The following DISC1 variants were observed in gnomAD, a reference collection of about 807,000 sequenced individuals.
DISC1 encodes DISC1 scaffold protein.
DISC1 carries 57 observed loss-of-function variants against 84.5 expected under a neutral mutation model. The observed-to-expected ratio is 0.67, with a 90% confidence interval of 0.55 to 0.84. DISC1 has a LOEUF of 0.84. DISC1 is among the 40% of genes least tolerant of loss of function. The pLI, the probability that DISC1 is intolerant of heterozygous loss-of-function variation, is 0.00. For synonymous variants in DISC1, 411 were observed against 415.2 expected (o/e 0.99, Z 0.12); for missense variants, 1,000 against 1,057.8 (o/e 0.95, Z 0.76).
intron 9 of DISC1, among the ~76,000 whole-genome samples, chr1:231,934,262 G>A (rs1034021672): frequency 6.6e-6 from 1 of 152,124 alleles, no homozygotes; most frequent in Non-Finnish European, 1.5e-5. Context: ...TTGACCCAGC[G>A]TCCACTTCTA....
At chr1:231,810,608 G>A (rs185663762) in intron 8 of DISC1, among the ~76,000 whole-genome samples, 20 of 152,266 alleles carry the variant, frequency 1.3e-4, no homozygotes, top group Admixed American at 9.2e-4. Context: ...GTGGGCAGAC[G>A]AGTGGGAGAG....
At chr1:231,643,080 G>A (rs1185644194) in intron 1 of DISC1, among the ~76,000 whole-genome samples, 1 of 152,200 alleles carries the variant, frequency 6.6e-6, no homozygotes, top group Non-Finnish European at 1.5e-5. Context: ...GAGAGCTTCT[G>A]TAAAGTTGGG....
At chr1:232,017,140 A>C (rs1668555549) in intron 11 of DISC1, among the ~76,000 whole-genome samples, 1 of 152,232 alleles carries the variant, frequency 6.6e-6, no homozygotes, top group African/African-American at 2.4e-5. Flanking sequence ...GCATTCCTGA[A>C]ATGTATTTAC....
chr1:231,770,738 C>T, intron 5 of DISC1, 97 bp from the exon 6 acceptor site: 5 of 1,547,050 alleles, frequency 3.2e-6, no homozygotes, highest in East Asian at 2.4e-5. Context: ...AGTTCTGGTG[C>T]ATATGGCCAA....
chr1:231,806,788 G>A (rs1298695949), intron 8 of DISC1, among the ~76,000 whole-genome samples: 2 of 152,250 alleles, frequency 1.3e-5, no homozygotes, highest in African/African-American at 2.4e-5. Context: ...GAACGCTCCC[G>A]CCCTCTGCCC....
At chr1:231,823,601 T>A (rs987107302) in intron 9 of DISC1, among the ~76,000 whole-genome samples, 1 of 152,220 alleles carries the variant, frequency 6.6e-6, no homozygotes, top group African/African-American at 2.4e-5. Context: ...CTGAACAGAT[T>A]TATAACACAT....
chr1:231,835,827 A>G (rs2082591320), intron 9 of DISC1, among the ~76,000 whole-genome samples: 1 of 152,236 alleles, frequency 6.6e-6, no homozygotes, highest in Admixed American at 6.5e-5. Flanking sequence ...ATAAAAAATA[A>G]TATCATGTTG....
intron 1 of DISC1, among the ~76,000 whole-genome samples, chr1:231,673,859 G>A (rs181882304): frequency 3.3e-5 from 5 of 152,292 alleles, no homozygotes; most frequent in South Asian, 4.1e-4. Context: ...TGGGGCTCAC[G>A]TTTGAGTATT....
chr1:231,732,387 A>G (rs1466715479), intron 3 of DISC1, among the ~76,000 whole-genome samples: 1 of 152,204 alleles, frequency 6.6e-6, no homozygotes, highest in African/African-American at 2.4e-5. Flanking sequence ...ATGCAAATCG[A>G]TCCCAGACAG....
intron 9 of DISC1, among the ~76,000 whole-genome samples, chr1:231,845,217 T>G (rs2083370498): frequency 6.6e-6 from 1 of 152,174 alleles, no homozygotes; most frequent in Admixed American, 6.5e-5. Flanking sequence ...AGGAAGTCCA[T>G]TTACATGGTT....
chr1:231,647,798 G>C (rs987272122), intron 1 of DISC1, among the ~76,000 whole-genome samples: 1 of 152,076 alleles, frequency 6.6e-6, no homozygotes, highest in Non-Finnish European at 1.5e-5. Flanking sequence ...TGGATTCCTC[G>C]GTGTTTTATT....
intron 10 of DISC1, chr1:231,959,540 T>C (rs1216754935): frequency 1.0e-6 from 1 of 980,058 alleles, no homozygotes; most frequent in African/African-American, 1.8e-5. Flanking sequence ...ATGGAGACCA[T>C]TTTGCTATTA....
At chr1:231,951,633 A>G (rs769707813) in intron 9 of DISC1, among the ~76,000 whole-genome samples, 3 of 152,046 alleles carry the variant, frequency 2.0e-5, no homozygotes, top group Non-Finnish European at 4.4e-5. Context: ...ATTGAATCTA[A>G]CTTGTTGCTT....
intron 11 of DISC1, among the ~76,000 whole-genome samples, chr1:232,016,065 AGG>A (rs1668468473): frequency 6.6e-6 from 1 of 152,190 alleles, no homozygotes; most frequent in South Asian, 2.1e-4. Flanking sequence ...AGCAAACTAC[AGG>A]GGTGCCTGAG....
chr1:231,735,213 A>T (rs1207048358), intron 3 of DISC1, among the ~76,000 whole-genome samples: 1 of 152,200 alleles, frequency 6.6e-6, no homozygotes, highest in Non-Finnish European at 1.5e-5. Context: ...GATAATATTT[A>T]CATATTTTGT....
At chr1:231,932,252 A>G (rs2126108780) in intron 9 of DISC1, among the ~76,000 whole-genome samples, 1 of 152,304 alleles carries the variant, frequency 6.6e-6, no homozygotes, top group African/African-American at 2.4e-5. Flanking sequence ...TTTAGTGGTA[A>G]GAGGAAAGGT....
chr1:231,835,688 A>G (rs75111343), intron 9 of DISC1, among the ~76,000 whole-genome samples: 1,791 of 152,220 alleles, frequency 0.012, 79 homozygotes, highest in Admixed American at 0.083. Flanking sequence ...TTTTATTTTG[A>G]AGGAGGCACC....
intron 1 of DISC1, among the ~76,000 whole-genome samples, chr1:231,659,144 G>T (rs371825773): frequency 6.6e-6 from 1 of 151,962 alleles, no homozygotes; most frequent in African/African-American, 2.4e-5. Context: ...ATTTATTACT[G>T]TCTCAATTTC....
intron 10 of DISC1, among the ~76,000 whole-genome samples, chr1:231,969,850 T>A (rs1177998536): frequency 6.6e-6 from 1 of 151,906 alleles, no homozygotes; most frequent in Non-Finnish European, 1.5e-5. Context: ...ACATACCATG[T>A]TTGGTTTTTC....
Sources: allele counts gnomAD v4.1 joint callset (sites outside exome capture counted in the v4.1 genomes callset), GRCh38; gene constraint gnomAD v4.1.1; transcripts MANE v1.5; gene names NCBI Gene and HGNC (gene_info 2026-07-23, HGNC 2026-07-21).